The following KATNAL2 variants were observed in gnomAD, a reference collection of about 807,000 sequenced individuals.
KATNAL2 encodes the protein katanin p60 ATPase-containing subunit A-like 2.
In KATNAL2, 52 loss-of-function variants were observed where a neutral mutation model predicts 76.3. The ratio of observed to expected loss-of-function variants is 0.68; its 90% CI spans 0.55 to 0.86. The LOEUF (loss-of-function observed/expected upper bound fraction) is 0.86. KATNAL2 is among the 40% of genes least tolerant of loss of function. The probability of loss-of-function intolerance (pLI) is 0.00; values close to 1 mark genes in which losing one functional copy is unlikely to be tolerated. For synonymous variants in KATNAL2, 243 were observed against 244.2 expected (o/e 1.00, Z 0.05); for missense variants, 660 against 668.9 (o/e 0.99, Z 0.15).
chr18:46,960,063 T>C (rs1401684786), intron 3 of KATNAL2, among the ~76,000 whole-genome samples: 7 of 152,188 alleles, frequency 4.6e-5, no homozygotes, highest in African/African-American at 2.4e-5. Context: ...CATTGGATTA[T>C]GTGATTTTTG....
At chr18:46,918,124 A>C (rs1217881600) in intron 1 of KATNAL2, 198 bp downstream of exon 1, 5 of 152,122 alleles carry the variant, frequency 3.3e-5, no homozygotes, top group African/African-American at 1.2e-4. Context: ...GGGCCATGCT[A>C]AAAAGTCGGG....
Position 46,917,726 on chromosome 18 carries a change from G to C in KATNAL2, c.-710G>C, listed in dbSNP as rs951972009. The C allele has an allele frequency of 4.0e-6, 1 of 250,324 alleles. No homozygotes were observed. Among genetic ancestry groups the C allele is most frequent in the African/African-American group, 2.3e-5 (1 of 43,202 alleles). The allele number at this position is 250,324 out of a possible 1,614,324, so 15.5% of individuals were successfully genotyped here. ...GGCCCCTGCGGACTGCCTAGAGCTG[G>C]GTCGCAACTGAGGCGTTATCCGCGG... On this transcript the variant is annotated 5_prime_UTR_variant, in exon 1 of 18. Transcript: ENST00000683218.
At chr18:46,927,579 C>T (rs952745659) in intron 1 of KATNAL2, among the ~76,000 whole-genome samples, 4 of 152,034 alleles carry the variant, frequency 2.6e-5, no homozygotes, top group African/African-American at 7.2e-5. Flanking sequence ...TTGCTCTTCT[C>T]GAGGAGTATT....
rs1199799761 is a variant in KATNAL2, at chr18:46,918,651, A to G, written c.-510+725A>G. ...TGGTCAGGCTGGTCTCCAACTCCGG[A>G]CCTCAGGTGATCCGCCCGCCTCGGC... On this transcript the variant is annotated intron_variant, in intron 1 of 17. Coordinates refer to ENST00000683218, the MANE Select transcript of KATNAL2 (RefSeq NM_001387690.1). 3.3e-5 allele frequency among the ~76,000 whole-genome samples: 5 copies of G among 152,074 alleles called. No homozygotes were observed. In the East Asian group the frequency reaches 9.7e-4, roughly 30 times the overall value.
At chr18:46,954,122 C>T (rs1246464071) in intron 3 of KATNAL2, among the ~76,000 whole-genome samples, 2 of 151,418 alleles carry the variant, frequency 1.3e-5, no homozygotes, top group East Asian at 2.0e-4. Flanking sequence ...CTGGTAGTCC[C>T]GTCTTCTGCC....
rs1426632910 is a variant in KATNAL2 at position 46,927,289 on chromosome 18, A to G, written c.-510+9363A>G. Among the ~76,000 whole-genome samples, 5 of 152,220 alleles carry G rather than the reference A, an allele frequency of 3.3e-5. 1 individual carries two copies. Among genetic ancestry groups the G allele is most frequent in the African/African-American group, 1.2e-4 (5 of 41,536 alleles). ...TTTTAGGGCAGGCCTCGTGGTGACA[A>G]AATCTCTCAGCATCTGCTTGTCTGT... On this transcript the variant is annotated intron_variant, in intron 1 of 17. Coordinates refer to ENST00000683218, the MANE Select transcript of KATNAL2 (RefSeq NM_001387690.1).
At chr18:47,094,944 C>T (rs771390917) in intron 15 of KATNAL2, among the ~76,000 whole-genome samples, 7 of 152,118 alleles carry the variant, frequency 4.6e-5, no homozygotes, top group Non-Finnish European at 8.8e-5. Context: ...AATCAAACCC[C>T]CTATTTTCAA....
chr18:47,066,888 T>TATATATATATATACACACAC (rs11281082), intron 10 of KATNAL2, 133 bp from the exon 11 acceptor site: 1 of 75,816 alleles, frequency 1.3e-5, no homozygotes, highest in East Asian at 3.2e-4. Flanking sequence ...TATATATATA[T>TATATATATATATACACACAC]ATATAATATG....
intron 3 of KATNAL2, among the ~76,000 whole-genome samples, chr18:46,950,246 C>A (rs375338725): frequency 1.3e-5 from 2 of 152,074 alleles, no homozygotes; most frequent in African/African-American, 2.4e-5. Flanking sequence ...TGTTTTAGTC[C>A]CTAGATGGCG....
intron 3 of KATNAL2, chr18:47,035,109 C>G: frequency 1.2e-6 from 2 of 1,611,198 alleles, no homozygotes; most frequent in South Asian, 1.1e-5. Flanking sequence ...GGCGCTTCAC[C>G]GTCTTTCTGA....
chr18:47,087,958 T>A (rs1179562433), intron 15 of KATNAL2, among the ~76,000 whole-genome samples: 1 of 152,204 alleles, frequency 6.6e-6, no homozygotes, highest in Non-Finnish European at 1.5e-5. Context: ...ACTTTTCTTT[T>A]TCTTGAGCGT....
chr18:46,934,407 A>C (rs2146579039), intron 1 of KATNAL2, among the ~76,000 whole-genome samples: 1 of 152,336 alleles, frequency 6.6e-6, no homozygotes, highest in South Asian at 2.1e-4. Context: ...AGTGATGATG[A>C]GCATTTTTTC....
intron 13 of KATNAL2, among the ~76,000 whole-genome samples, chr18:47,072,904 A>G (rs57366850): frequency 0.035 from 5,348 of 152,244 alleles, 278 homozygotes; most frequent in East Asian, 0.28. Flanking sequence ...AAATGTGCCA[A>G]AACGTATTTA....
intron 10 of KATNAL2, among the ~76,000 whole-genome samples, chr18:47,064,501 G>A (rs1007032285): frequency 6.6e-6 from 1 of 152,098 alleles, no homozygotes; most frequent in African/African-American, 2.4e-5. Flanking sequence ...TTAGAAAGGC[G>A]CCCGTCGGAG....
At chr18:47,051,178 G>A (rs1036438010) in intron 4 of KATNAL2, among the ~76,000 whole-genome samples, 2 of 151,998 alleles carry the variant, frequency 1.3e-5, no homozygotes, top group Admixed American at 6.6e-5. Context: ...CAACCACATC[G>A]AATTCAAACC....
At chr18:46,944,592 G>A (rs2059334567) in intron 1 of KATNAL2, among the ~76,000 whole-genome samples, 1 of 152,126 alleles carries the variant, frequency 6.6e-6, no homozygotes, top group Non-Finnish European at 1.5e-5. Context: ...ACAATTAGCT[G>A]GATGTGGTGG....
intron 12 of KATNAL2, 42 bp downstream of exon 12, chr18:47,069,325 G>A: frequency 1.3e-6 from 2 of 1,538,400 alleles, no homozygotes; most frequent in Non-Finnish European, 1.8e-6. Flanking sequence ...TTAAGTGTGT[G>A]TGCAGAGGAT....
chr18:46,939,598 C>T (rs2059189236), intron 1 of KATNAL2, among the ~76,000 whole-genome samples: 1 of 152,144 alleles, frequency 6.6e-6, no homozygotes, highest in Non-Finnish European at 1.5e-5. Flanking sequence ...CAGACCTATT[C>T]ATATCTGAGA....
intron 3 of KATNAL2, among the ~76,000 whole-genome samples, chr18:47,032,403 A>C (rs954136801): frequency 2.0e-5 from 3 of 152,174 alleles, no homozygotes; most frequent in East Asian, 1.9e-4. Flanking sequence ...CCGTGCCACC[A>C]TGCCAGGCTA....
Sources: allele counts gnomAD v4.1 joint callset (sites outside exome capture counted in the v4.1 genomes callset), GRCh38; gene constraint gnomAD v4.1.1; transcripts MANE v1.5; gene names NCBI Gene and HGNC (gene_info 2026-07-23, HGNC 2026-07-21).